Variants in CLMN observed in about 807,000 individuals in gnomAD.
CLMN encodes calmin (calponin-like, transmembrane).
In CLMN, 57 loss-of-function variants were observed where a neutral mutation model predicts 92.7. The ratio of observed to expected loss-of-function variants is 0.61; its 90% confidence interval spans 0.50 to 0.77. CLMN has a LOEUF of 0.77. Among genes scored for constraint, CLMN ranks in the 30% least tolerant of loss-of-function variants. The probability of loss-of-function intolerance (pLI) is 0.00; values close to 1 mark genes in which losing one functional copy is unlikely to be tolerated. For missense variants in CLMN, 1,158 were observed against 1,237.5 expected (o/e 0.94, Z 0.96); for synonymous variants, 466 against 470.6 (o/e 0.99, Z 0.13).
chr14:95,260,311 G>A (rs762614555), intron 1 of CLMN, among the ~76,000 whole-genome samples: 8 of 151,954 alleles, frequency 5.3e-5, no homozygotes, highest in African/African-American at 1.9e-4. Context: ...GCGAGGTGGC[G>A]GGCGCCTGTA....
chr14:95,218,770 T>G (rs1206027077), intron 4 of CLMN, among the ~76,000 whole-genome samples: 2 of 152,228 alleles, frequency 1.3e-5, no homozygotes, highest in African/African-American at 2.4e-5. Flanking sequence ...GCTGACATAG[T>G]ATGCTCGCAT....
At chr14:95,237,713 G>T (rs910795708) in intron 1 of CLMN, among the ~76,000 whole-genome samples, 1 of 152,134 alleles carries the variant, frequency 6.6e-6, no homozygotes, top group African/African-American at 2.4e-5. Flanking sequence ...CAGCCCCATG[G>T]GTGGCAGGCT....
intron 1 of CLMN, among the ~76,000 whole-genome samples, chr14:95,245,210 A>ATATATATATATAATATATATATATAT (rs1898452096): frequency 4.1e-5 from 1 of 24,186 alleles, no homozygotes; most frequent in East Asian, 1.9e-3. Flanking sequence ...TATATATATT[A>ATATATATATATAATATATATATATAT]TATATATATA....
At chr14:95,304,064 G>T (rs762599416) in intron 1 of CLMN, among the ~76,000 whole-genome samples, 1 of 152,232 alleles carries the variant, frequency 6.6e-6, no homozygotes, top group African/African-American at 2.4e-5. Flanking sequence ...TCAGCCAGAC[G>T]TGGTGGCTCA....
intron 1 of CLMN, among the ~76,000 whole-genome samples, chr14:95,279,191 T>C (rs1900048866): frequency 6.6e-6 from 1 of 152,244 alleles, no homozygotes; most frequent in South Asian, 2.1e-4. Flanking sequence ...TTCGTGTCAC[T>C]TGAGTAATCT....
intron 1 of CLMN, among the ~76,000 whole-genome samples, chr14:95,267,929 A>G (rs1049585175): frequency 1.3e-5 from 2 of 152,224 alleles, no homozygotes; most frequent in African/African-American, 4.8e-5. Flanking sequence ...AAAAAGACAA[A>G]TATCACATGT....
Position 95,204,274 on chromosome 14 carries a change from T to A in CLMN, c.1075A>T (p.Met359Leu). ...ACACCATCCAGGCGGAATTCCTTCA[T>A]GCTCTCGGGCTTGTCACAGACAAAG... ...KVFVCDKPES[M>L]KEFRLDGVSS... The change falls in exon 9 of 13, where the codon ATG becomes TTG. Residue 359 changes from methionine to leucine, a missense_variant. Transcript: ENST00000298912. The A allele has an allele frequency of 6.2e-7, 1 of 1,614,108 alleles. No individual in the cohort carries two copies. Among genetic ancestry groups the A allele is most frequent in the East Asian group, 2.2e-5 (1 of 44,880 alleles).
chr14:95,216,658 T>A (rs1045013287), intron 4 of CLMN, among the ~76,000 whole-genome samples: 1 of 152,220 alleles, frequency 6.6e-6, no homozygotes, highest in African/African-American at 2.4e-5. Flanking sequence ...GGGATAAGGT[T>A]TATACCCAGG....
At chr14:95,250,569 G>A (rs1462502930) in intron 1 of CLMN, among the ~76,000 whole-genome samples, 1 of 152,204 alleles carries the variant, frequency 6.6e-6, no homozygotes. Context: ...CCTCTGTTAT[G>A]TTGCCCCACA....
intron 1 of CLMN, among the ~76,000 whole-genome samples, chr14:95,269,720 C>T (rs1899630477): frequency 6.6e-6 from 1 of 152,230 alleles, no homozygotes. Flanking sequence ...AAGGCTCCCA[C>T]TGGCCCCCAC....
In CLMN at chr14:95,196,634, C is replaced by G. The variant is rs776034140; in HGVS notation, c.2572G>C (p.Glu858Gln). 3 of 1,613,994 alleles carry G rather than the reference C, an allele frequency of 1.9e-6. No individual in the cohort carries two copies. Among genetic ancestry groups the G allele is most frequent in the Non-Finnish European group, 2.5e-6 (3 of 1,180,002 alleles). The change falls in exon 10 of 13, where the codon GAA becomes CAA. Residue 858 changes from glutamate to glutamine, a missense_variant. Transcript: ENST00000298912. ...TCCTTTTTTTTACTACTGATTGATT[C>G]TTTCGTTACATTTTCTTCTAGGGGG... ...ANPLEENVTKESISSKKKEKR... is the reference protein window; with the variant it reads ...ANPLEENVTKQSISSKKKEKR...
At chr14:95,308,288 G>A (rs1901372945) in intron 1 of CLMN, among the ~76,000 whole-genome samples, 1 of 152,210 alleles carries the variant, frequency 6.6e-6, no homozygotes, top group South Asian at 2.1e-4. Flanking sequence ...AGGCTCAGCA[G>A]CAAAGCTGGC....
In CLMN at chr14:95,294,588, T is replaced by TA. The variant is rs886586768; in HGVS notation, c.82+25122dup. The stretch of plus-strand genomic sequence containing the variant: ...TCTTGGGAAGTTACCTCCTGGTCTC[T>TA]ACCTTGTAGAAAAGGGCACTTATTT... On this transcript the variant is annotated intron_variant, in intron 1 of 12. Transcript: ENST00000298912. This position sits in a 1 kb window ranked among gnomAD's most constrained non-coding sequence, Gnocchi z 4.2. 6.6e-6 allele frequency among the ~76,000 whole-genome samples: 1 copy of TA among 152,238 alleles called. No homozygotes were observed. The highest frequency in any genetic ancestry group is 2.4e-5 in the African/African-American group (1 of 41,472).
intron 1 of CLMN, among the ~76,000 whole-genome samples, chr14:95,278,237 C>T (rs796888535): frequency 6.6e-5 from 10 of 152,180 alleles, no homozygotes; most frequent in Non-Finnish European, 8.8e-5. Context: ...CCAGCAATAT[C>T]GGGTGCTTGT....
intron 1 of CLMN, among the ~76,000 whole-genome samples, chr14:95,289,220 G>A (rs189520903): frequency 5.3e-5 from 8 of 152,274 alleles, no homozygotes; most frequent in African/African-American, 1.9e-4. Context: ...GCTGGGCATG[G>A]TGGTTCATAC....
In CLMN at chr14:95,184,730, CT is replaced by C. The variant is rs1156259245; in HGVS notation, c.*6833del. 5.9e-5 allele frequency: 9 copies of C among 152,358 alleles called. No individual in the cohort carries two copies. In the East Asian group the frequency reaches 1.7e-3, roughly 29 times the overall value. 9.4% of individuals were successfully genotyped at this position (152,358 alleles called of 1,614,324 possible). A position where few individuals can be genotyped will look rare whatever the true frequency, so the allele number is the denominator to read the frequency against. On this transcript the variant is annotated 3_prime_UTR_variant, in exon 13 of 13. Transcript: ENST00000298912. ...GAGTCTCCAGGCTTTTGACCCACAC[CT>C]GACCAAGCTCACCCCATGCCCTGTC...
intron 1 of CLMN, among the ~76,000 whole-genome samples, chr14:95,283,310 C>T (rs1363682021): frequency 6.6e-6 from 1 of 152,220 alleles, no homozygotes; most frequent in Admixed American, 6.5e-5. Flanking sequence ...GCCTCCCCAG[C>T]CATGTGGAAC....
intron 1 of CLMN, among the ~76,000 whole-genome samples, chr14:95,305,315 C>T (rs545042629): frequency 3.3e-5 from 5 of 152,222 alleles, no homozygotes; most frequent in African/African-American, 9.7e-5. Flanking sequence ...TTTGGCTCCA[C>T]GCCATTGAGC....
rs917691766 is a variant in CLMN, at chr14:95,203,680, C to CA, written c.1668dup (p.Glu557Ter). 6.2e-7 allele frequency: 1 copy of CA among 1,614,008 alleles called. No individual in the cohort carries two copies. The highest frequency in any genetic ancestry group is 8.5e-7 in the Non-Finnish European group (1 of 1,180,026). Reference sequence around the variant, plus strand: ...TTTGAGGCTTTTAATGGGATGGCTTCAAAATAGTCTCCCTCCTCTAAAGCT... The same window carrying CA: ...TTTGAGGCTTTTAATGGGATGGCTTCAAAAATAGTCTCCCTCCTCTAAAGCT... On this transcript the variant is annotated frameshift_variant, in exon 9 of 13. Coordinates refer to ENST00000298912, the MANE Select transcript of CLMN (RefSeq NM_024734.4). LOFTEE classifies it high-confidence loss of function.
Sources: gnomAD v4.1 joint callset for allele counts (sites outside exome capture counted in the v4.1 genomes callset) on GRCh38, gnomAD v4.1.1 for gene constraint, Gnocchi (gnomAD v3.1) non-coding constraint, MANE v1.5 for transcripts, NCBI Gene and HGNC (gene_info 2026-07-23, HGNC 2026-07-21) for gene names.